Variants in PLPP5 observed in about 807,000 individuals in gnomAD.
PLPP5 encodes phospholipid phosphatase 5.
A neutral mutation model predicts 23.6 loss-of-function variants in PLPP5; 29 were observed. The ratio of observed to expected loss-of-function variants is 1.23; its 90% CI spans 0.92 to 1.68. PLPP5 has a LOEUF of 1.68. Among genes scored for constraint, PLPP5 ranks in the 40% most tolerant of loss-of-function variants. The probability of loss-of-function intolerance (pLI) is 0.00; values close to 1 mark genes in which losing one functional copy is unlikely to be tolerated. For synonymous variants in PLPP5, 143 were observed against 131.3 expected (o/e 1.09, Z -0.61); for missense variants, 315 against 332.1 (o/e 0.95, Z 0.40).
In PLPP5 at chr8:38,266,185, A is replaced by T. The variant is rs761573701; in HGVS notation, c.590T>A (p.Val197Glu). 1 of 1,613,914 alleles carries T rather than the reference A, an allele frequency of 6.2e-7. No individual in the cohort carries two copies. The highest frequency in any genetic ancestry group is 8.5e-7 in the Non-Finnish European group (1 of 1,179,970). Reference protein sequence around the residue: ...AFLSPLLFAAVIALSRTCDYK... With the variant: ...AFLSPLLFAAEIALSRTCDYK... ...GTCACATGTGCGGGACAGTGCAATCACAGCTGCAAAAAGTAGAGGTGACAG... is the reference window on the plus strand; with the variant it reads ...GTCACATGTGCGGGACAGTGCAATCTCAGCTGCAAAAAGTAGAGGTGACAG... The change falls in exon 6 of 7, where the codon GTG (valine) becomes GAG (glutamate). Residue 197 changes from valine (V) to glutamate (E), a missense_variant. By Grantham distance (121) the Val-to-Glu change is moderately radical (BLOSUM62 -2). Coordinates refer to ENST00000424479, the MANE Select transcript of PLPP5 (RefSeq NM_001102559.2).
In PLPP5 at chr8:38,264,603, A is replaced by G; in HGVS notation, c.636T>C (p.Asp212=). 6.3e-7 allele frequency: 1 copy of G among 1,589,554 alleles called. No individual in the cohort carries two copies. The highest frequency in any genetic ancestry group is 8.6e-7 in the Non-Finnish European group (1 of 1,167,934). ...RTCDYKHHWQ[D]VLVGSMIGMT... ...TTCCAATCATGGATCCAACTAGTAC[A>G]TCTGAAGAGAGTGGAAACAAGGTCT... The change falls in exon 7 of 7, where the codon GAT becomes GAC. Residue 212 remains aspartate, a splice_region_variant and synonymous_variant. Coordinates refer to ENST00000424479, the MANE Select transcript of PLPP5 (RefSeq NM_001102559.2).
At position 38,263,911 on chromosome 8, in the gene PLPP5, G is replaced by A. The variant is rs978681494; in HGVS notation, c.*533C>T. ...ATCTGATAGACCAGATTCATAAGGTGTTGGACACCTTTGAAAGATCCTTTT... is the reference window on the plus strand; with the variant it reads ...ATCTGATAGACCAGATTCATAAGGTATTGGACACCTTTGAAAGATCCTTTT... On this transcript the variant is annotated 3_prime_UTR_variant, in exon 7 of 7. Transcript: ENST00000424479. 3 of 985,140 alleles carry A rather than the reference G, an allele frequency of 3.0e-6. No homozygotes were observed. The African/African-American group carries it at 5.2e-5, about 17-fold the overall frequency. 61.0% of individuals were successfully genotyped at this position (985,140 alleles called of 1,614,324 possible).
rs1290521765 is a variant in PLPP5 at position 38,263,303 on chromosome 8, T to TG, written c.*1140dup. On this transcript the variant is annotated 3_prime_UTR_variant, in exon 7 of 7. Transcript: ENST00000424479. ...CATAATTGTTCCTTATATTCCATTG[T>TG]GAAGAAGGGGCAGAAAAAGATTCAT... 2.5e-6 allele frequency: 2 copies of TG among 804,390 alleles called. No homozygotes were observed. The highest frequency in any genetic ancestry group is 3.7e-5 in the African/African-American group (2 of 53,494). 49.8% of individuals were successfully genotyped at this position (804,390 alleles called of 1,614,324 possible).
At position 38,266,265 on chromosome 8, in the gene PLPP5, C is replaced by T; in HGVS notation, c.510G>A (p.Lys170=). Residue 170 remains lysine, a synonymous_variant, in exon 6 of 7, where the codon AAG becomes AAA. Transcript: ENST00000424479. The part of the protein sequence containing the change: ...LAFASFYLAG[K]LHCFTPQGRG... Reference sequence around the variant, plus strand: ...GGCCTTGTGGTGTGAAGCAGTGTAACTTCCCTGCCAGGTAGAAGGACGCAA... The same window carrying T: ...GGCCTTGTGGTGTGAAGCAGTGTAATTTCCCTGCCAGGTAGAAGGACGCAA... 2 of 1,613,708 alleles carry T rather than the reference C, an allele frequency of 1.2e-6. No homozygotes were observed. The highest frequency in any genetic ancestry group is 1.7e-6 in the Non-Finnish European group (2 of 1,179,748).
At chr8:38,268,854 G>T in intron 2 of PLPP5, 28 bp downstream of exon 2, 1 of 1,528,234 alleles carries the variant, frequency 6.5e-7, no homozygotes, top group East Asian at 2.4e-5. Context: ...TCATGGGGAG[G>T]GAGGAAAGAC....
rs532401414 is a variant in PLPP5, at chr8:38,267,763, A to C, written c.338+134T>G. On this transcript the variant is annotated intron_variant, in intron 4 of 6. Coordinates refer to ENST00000424479, the MANE Select transcript of PLPP5 (RefSeq NM_001102559.2). ...GTATGGGGAAGGGAGTAAGCGTTGA[A>C]TGACAAAAGAAAAATCAGAGTGAAG... 7 of 957,362 alleles carry C rather than the reference A, an allele frequency of 7.3e-6. No homozygotes were observed. In the African/African-American group the frequency reaches 9.7e-5, roughly 13 times the overall value. The allele number at this position is 957,362 out of a possible 1,614,324, so 59.3% of individuals were successfully genotyped here.
intron 4 of PLPP5, 169 bp from the exon 5 acceptor site, chr8:38,267,560 G>A: frequency 1.3e-6 from 1 of 774,032 alleles, no homozygotes; most frequent in Non-Finnish European, 2.0e-6. Context: ...CTTTCAAGGT[G>A]AGCATTTAAA....
Position 38,263,314 on chromosome 8 carries a change from C to A in PLPP5, c.*1130G>T. ...CTTATATTCCATTGTGAAGAAGGGG[C>A]AGAAAAAGATTCATCTGTCCTTCAG... On this transcript the variant is annotated 3_prime_UTR_variant, in exon 7 of 7. Coordinates refer to ENST00000424479, the MANE Select transcript of PLPP5 (RefSeq NM_001102559.2). 1 of 871,170 alleles carries A rather than the reference C, an allele frequency of 1.1e-6. No homozygotes were observed. Among genetic ancestry groups the A allele is most frequent in the Non-Finnish European group, 1.4e-6 (1 of 725,876 alleles). The allele number at this position is 871,170 out of a possible 1,614,324, so 54.0% of individuals were successfully genotyped here. A position where few individuals can be genotyped will look rare whatever the true frequency, so the allele number is the denominator to read the frequency against.
rs201723569 is a variant in PLPP5, at chr8:38,267,949, C to G, written c.286G>C (p.Ala96Pro). The G allele has an allele frequency of 3.0e-5, 49 of 1,613,818 alleles. No homozygotes were observed. In the African/African-American group the frequency reaches 6.0e-4, roughly 20 times the overall value. The change falls in exon 4 of 7, where the codon GCC (alanine) becomes CCC (proline). Residue 96 changes from alanine to proline, a missense_variant. Transcript: ENST00000424479. ...GTAAAGACGCCATTCAGAGCCAGGG[C>G]AAGGCTGGCAGCTGCAAAGCAAAGC... ...SRQACLAASL[A>P]LALNGVFTNT...
At position 38,264,438 on chromosome 8, in the gene PLPP5, C is replaced by A; in HGVS notation, c.*6G>T. Reference sequence around the variant, plus strand: ...ATGAGCCACCACGCCCGGCCAGATTCAATTTTTAAATATCAAAACAATAAG... The same window carrying A: ...ATGAGCCACCACGCCCGGCCAGATTAAATTTTTAAATATCAAAACAATAAG... On this transcript the variant is annotated 3_prime_UTR_variant, in exon 7 of 7. Transcript: ENST00000424479. The A allele has an allele frequency of 6.5e-7, 1 of 1,543,528 alleles. No individual in the cohort carries two copies. Among genetic ancestry groups the A allele is most frequent in the Non-Finnish European group, 8.7e-7 (1 of 1,144,838 alleles).
rs1807935221 is a variant in PLPP5 at position 38,267,975 on chromosome 8, C to T, written c.275-15G>A. The T allele has an allele frequency of 2.5e-6, 4 of 1,613,776 alleles. No individual in the cohort carries two copies. The East Asian group carries it at 8.9e-5, about 36-fold the overall frequency. ...AAGGCTGGCAGCTGCAAAGCAAAGC[C>T]ATTAGTTGAAAGGATCTGTCTAGGA... On this transcript the variant is annotated splice_polypyrimidine_tract_variant and intron_variant, in intron 3 of 6. Transcript: ENST00000424479.
Position 38,267,264 on chromosome 8 carries a change from T to C in PLPP5, c.463+3A>G. ...TAGGGTAGAGTCCATATGATATTCA[T>C]ACAGGAAGAATGTCCACTGGGGAAG... On this transcript the variant is annotated splice_donor_region_variant and intron_variant, in intron 5 of 6. Transcript: ENST00000424479. 2 of 1,614,030 alleles carry C rather than the reference T, an allele frequency of 1.2e-6. No individual in the cohort carries two copies. The highest frequency in any genetic ancestry group is 1.7e-6 in the Non-Finnish European group (2 of 1,179,890).
rs746926357 is a variant in PLPP5 at position 38,264,411 on chromosome 8, G to A, written c.*33C>T. 7.6e-5 allele frequency: 114 copies of A among 1,509,190 alleles called. No individual in the cohort carries two copies. Among genetic ancestry groups the A allele is most frequent in the Non-Finnish European group, 9.5e-5 (107 of 1,126,518 alleles). The allele number at this position is 1,509,190 out of a possible 1,614,324, so 93.5% of individuals were successfully genotyped here. On this transcript the variant is annotated 3_prime_UTR_variant, in exon 7 of 7. Coordinates refer to ENST00000424479, the MANE Select transcript of PLPP5 (RefSeq NM_001102559.2). ...GCCTCCCAAAGTGTTGGGATTACAG[G>A]CATGAGCCACCACGCCCGGCCAGAT...
In PLPP5 at chr8:38,269,160, C is replaced by T; in HGVS notation, c.40G>A (p.Val14Met). The change falls in exon 1 of 7, where the codon GTG becomes ATG. Residue 14 changes from valine (V) to methionine (M), a missense_variant. Val to Met is a conservative substitution (Grantham distance 21). Coordinates refer to ENST00000424479, the MANE Select transcript of PLPP5 (RefSeq NM_001102559.2). ...GCGAACAGCGCGAGCCGCACGCCCA[C>T]TTCGGCCCCAAAGGCCACCGCCGCC... The part of the protein sequence containing the change: ...AAAAVAFGAE[V>M]GVRLALFAAF... 1 of 1,513,246 alleles carries T rather than the reference C, an allele frequency of 6.6e-7. No homozygotes were observed. Among genetic ancestry groups the T allele is most frequent in the Non-Finnish European group, 8.8e-7 (1 of 1,138,284 alleles). The allele number at this position is 1,513,246 out of a possible 1,614,324, so 93.7% of individuals were successfully genotyped here. A position where few individuals can be genotyped will look rare whatever the true frequency, so the allele number is the denominator to read the frequency against.
At chr8:38,268,586 A>G in intron 2 of PLPP5, 125 bp from the exon 3 acceptor site, 1 of 1,456,500 alleles carries the variant, frequency 6.9e-7, no homozygotes, top group Non-Finnish European at 9.0e-7. Flanking sequence ...AGTGCGCGTA[A>G]CCGGGCGCCA....
In PLPP5 at chr8:38,268,959, G is replaced by GTCTC. The variant is rs372379142; in HGVS notation, c.102_105dup (p.Leu36GlufsTer91). 810 of 1,567,862 alleles carry GTCTC rather than the reference G, an allele frequency of 5.2e-4. 3 individuals carry two copies. The African/African-American group carries it at 0.01, about 20-fold the overall frequency. On this transcript the variant is annotated frameshift_variant, in exon 2 of 7. Coordinates refer to ENST00000424479, the MANE Select transcript of PLPP5 (RefSeq NM_001102559.2). LOFTEE classifies it high-confidence loss of function. ...AGCCACATCTCCTCCGGCTGGATGA[G>GTCTC]TCTCTGGAACGGGGGGAGCAGCTCC...
intron 6 of PLPP5, chr8:38,264,873 G>T (rs1320355308): frequency 3.1e-6 from 5 of 1,610,624 alleles, no homozygotes; most frequent in Non-Finnish European, 4.2e-6. Flanking sequence ...TACTAAATTA[G>T]AATTTTTCTA....
chr8:38,265,473 A>G (rs1284621094), intron 6 of PLPP5: 1 of 151,730 alleles, frequency 6.6e-6, no homozygotes, highest in African/African-American at 2.4e-5. Context: ...TTGTATTTTT[A>G]GTAGAGATAG....
chr8:38,265,857 AAG>A (rs1389848700), intron 6 of PLPP5, among the ~76,000 whole-genome samples: 1 of 152,220 alleles, frequency 6.6e-6, no homozygotes, highest in Non-Finnish European at 1.5e-5. Flanking sequence ...CCTGATTTTT[AAG>A]AGAGTAAATT....
Sources: gnomAD v4.1 joint callset for allele counts (sites outside exome capture counted in the v4.1 genomes callset) on GRCh38, gnomAD v4.1.1 for gene constraint, MANE v1.5 for transcripts, NCBI Gene and HGNC (gene_info 2026-07-23, HGNC 2026-07-21) for gene names.